GLRA3: variants seen among roughly 807,000 people sequenced by gnomAD.
The protein encoded by GLRA3 is glycine receptor subunit alpha-3.
Under a neutral mutation model 60.4 loss-of-function variants are expected in GLRA3, and 44 were observed. The observed-to-expected ratio is 0.73, with a 90% CI of 0.57 to 0.94. The LOEUF is 0.94. GLRA3 is among the 40% of genes least tolerant of loss of function. The pLI, the probability that GLRA3 is intolerant of heterozygous loss-of-function variation, is 0.00. For synonymous variants in GLRA3, 223 were observed against 192.9 expected (o/e 1.16, Z -1.29); for missense variants, 508 against 564.6 (o/e 0.90, Z 1.02).
chr4:174,807,339 G>C (rs1273724561), intron 1 of GLRA3, among the ~76,000 whole-genome samples: 3 of 151,964 alleles, frequency 2.0e-5, no homozygotes, highest in African/African-American at 7.2e-5. Flanking sequence ...CCCTTGCAGT[G>C]TTCATTAAAG....
chr4:174,828,727 C>T lies in GLRA3; in HGVS notation c.71+14G>A. On this transcript the variant is annotated intron_variant, in intron 1 of 9. Transcript: ENST00000274093. ...TTAATGAGTTCTCCGACTGTTAAAT[C>T]CAAGCGAACTCACCTGAGTAACAGT... 6.4e-7 allele frequency: 1 copy of T among 1,563,992 alleles called. No individual in the cohort carries two copies. The highest frequency in any genetic ancestry group is 1.1e-5 in the South Asian group (1 of 89,960).
intron 5 of GLRA3, chr4:174,712,894 T>TAC (rs1425269603): frequency 6.7e-6 from 1 of 150,324 alleles, no homozygotes; most frequent in Non-Finnish European, 1.5e-5. Flanking sequence ...AGTATATATA[T>TAC]ACACACACAT....
chr4:174,734,948 A>G (rs1579525637), intron 3 of GLRA3, among the ~76,000 whole-genome samples: 1 of 152,318 alleles, frequency 6.6e-6, no homozygotes, highest in East Asian at 1.9e-4. Context: ...GTAAACACCT[A>G]CAAAGGGCCA....
chr4:174,681,833 A>T (rs776294283), intron 6 of GLRA3, among the ~76,000 whole-genome samples: 45 of 152,176 alleles, frequency 3.0e-4, no homozygotes, highest in Non-Finnish European at 5.4e-4. Flanking sequence ...AGTGCTATTG[A>T]CTTGCCTGCT....
At chr4:174,790,014 CATT>C (rs567622353) in intron 1 of GLRA3, among the ~76,000 whole-genome samples, 1 of 152,304 alleles carries the variant, frequency 6.6e-6, no homozygotes, top group South Asian at 2.1e-4. Flanking sequence ...GAGCCATCAT[CATT>C]AAGTTGTTTA....
intron 2 of GLRA3, among the ~76,000 whole-genome samples, chr4:174,779,626 A>C (rs1341366816): frequency 6.6e-6 from 1 of 152,200 alleles, no homozygotes; most frequent in Non-Finnish European, 1.5e-5. Flanking sequence ...AAAGGAGCTG[A>C]CGGAGCTGAA....
intron 2 of GLRA3, among the ~76,000 whole-genome samples, chr4:174,776,316 A>G (rs6846840): frequency 0.95 from 144,382 of 152,158 alleles, 68,941 homozygotes; most frequent in East Asian, 1. Context: ...TCCCTTTCGA[A>G]GTAGAGAAAT....
chr4:174,709,036 T>C (rs72706188), intron 5 of GLRA3, among the ~76,000 whole-genome samples: 2,034 of 152,142 alleles, frequency 0.013, 16 homozygotes, highest in Non-Finnish European at 0.02. Context: ...TTGCGTCAAA[T>C]AAAATAATTA....
intron 5 of GLRA3, among the ~76,000 whole-genome samples, chr4:174,686,853 G>A (rs1561054982): frequency 6.6e-6 from 1 of 152,174 alleles, no homozygotes; most frequent in Non-Finnish European, 1.5e-5. Flanking sequence ...GAGCCAGTTT[G>A]CATGAAGAAG....
At chr4:174,678,406 G>C (rs571007878) in intron 6 of GLRA3, among the ~76,000 whole-genome samples, 1 of 152,268 alleles carries the variant, frequency 6.6e-6, no homozygotes, top group South Asian at 2.1e-4. Context: ...GTTATTTCAA[G>C]AAGGATGAGG....
intron 1 of GLRA3, among the ~76,000 whole-genome samples, chr4:174,815,058 G>T (rs910680490): frequency 6.6e-6 from 1 of 152,186 alleles, no homozygotes; most frequent in African/African-American, 2.4e-5. Context: ...AGATGCAATG[G>T]GGTTATAGGC....
intron 1 of GLRA3, among the ~76,000 whole-genome samples, chr4:174,816,202 A>G (rs933429469): frequency 1.3e-5 from 2 of 152,288 alleles, no homozygotes; most frequent in South Asian, 4.1e-4. Context: ...TGCATGCCCC[A>G]GTGGGTTATA....
intron 3 of GLRA3, among the ~76,000 whole-genome samples, chr4:174,734,570 T>C (rs917824700): frequency 1.3e-5 from 2 of 152,080 alleles, no homozygotes; most frequent in Admixed American, 6.5e-5. Flanking sequence ...ATATGTACAA[T>C]TATTCTCCTA....
chr4:174,813,514 G>T (rs1038948327), intron 1 of GLRA3, among the ~76,000 whole-genome samples: 1 of 152,154 alleles, frequency 6.6e-6, no homozygotes, highest in Non-Finnish European at 1.5e-5. Flanking sequence ...GCTCTATTCT[G>T]TGTTGCCTCG....
At chr4:174,812,187 T>C (rs1357385858) in intron 1 of GLRA3, among the ~76,000 whole-genome samples, 2 of 152,124 alleles carry the variant, frequency 1.3e-5, no homozygotes, top group East Asian at 3.9e-4. Flanking sequence ...ACAGCAATAG[T>C]ACTAATGAAA....
chr4:174,710,161 G>A (rs543865244), intron 5 of GLRA3, among the ~76,000 whole-genome samples: 5 of 151,684 alleles, frequency 3.3e-5, no homozygotes, highest in African/African-American at 9.7e-5. Context: ...TTTGGTGGTC[G>A]TTTTCTATGC....
chr4:174,796,544 C>T (rs1739575930), intron 1 of GLRA3, among the ~76,000 whole-genome samples: 2 of 144,750 alleles, frequency 1.4e-5, no homozygotes, highest in African/African-American at 5.0e-5. Flanking sequence ...TTCTTTCTTT[C>T]TTTTTTTTTT....
Position 174,803,805 on chromosome 4 carries a change from C to G in GLRA3, c.72-14862G>C, listed in dbSNP as rs193092511. On this transcript the variant is annotated intron_variant, in intron 1 of 9. Transcript: ENST00000274093. ...GAGACTCAAATGTAGAAAAAACAGACAAACTTCAGCAAAGACTGAGCACCA... is the reference window on the plus strand; with the variant it reads ...GAGACTCAAATGTAGAAAAAACAGAGAAACTTCAGCAAAGACTGAGCACCA... Among the ~76,000 whole-genome samples, 633 of 152,178 alleles carry G rather than the reference C, an allele frequency of 4.2e-3. 3 individuals are homozygous for G. The highest frequency in any genetic ancestry group is 6.5e-3 in the Non-Finnish European group (445 of 67,990).
At chr4:174,810,717 A>G (rs553981127) in intron 1 of GLRA3, among the ~76,000 whole-genome samples, 1 of 152,296 alleles carries the variant, frequency 6.6e-6, no homozygotes. Context: ...TATAATGATT[A>G]GAGTCAAAAT....
Sources: allele counts gnomAD v4.1 joint callset (sites outside exome capture counted in the v4.1 genomes callset), GRCh38; gene constraint gnomAD v4.1.1; transcripts MANE v1.5; gene names NCBI Gene and HGNC (gene_info 2026-07-23, HGNC 2026-07-21).